FKBP5: variants seen among roughly 807,000 people sequenced by gnomAD.
The protein encoded by FKBP5 is peptidyl-prolyl cis-trans isomerase FKBP5.
FKBP5 carries 23 observed loss-of-function variants against 50.5 expected under a neutral mutation model. That is an observed-to-expected ratio of 0.46 (90% CI 0.33 to 0.65). The LOEUF (loss-of-function observed/expected upper bound fraction) is 0.65, where lower values mean the gene tolerates loss of function less well. Ranked by LOEUF, FKBP5 falls within the 30% of genes least tolerant of loss-of-function variation. FKBP5 has a pLI of 0.02. For missense variants in FKBP5, 411 were observed against 553.1 expected (o/e 0.74, Z 2.58); for synonymous variants, 176 against 190.6 (o/e 0.92, Z 0.63).
intron 5 of FKBP5, among the ~76,000 whole-genome samples, chr6:35,616,514 C>CA (rs1180371290): frequency 6.6e-6 from 1 of 151,842 alleles, no homozygotes; most frequent in Admixed American, 6.6e-5. Context: ...TTAGAGGAAG[C>CA]TGTGTAAAGC....
At chr6:35,643,871 CA>C (rs1764559717) in intron 1 of FKBP5, among the ~76,000 whole-genome samples, 2 of 152,188 alleles carry the variant, frequency 1.3e-5, no homozygotes. Context: ...GAGCAAGGTC[CA>C]TGCTTTGTTC....
chr6:35,693,265 C>G (rs1766027574), upstream of FKBP5, among the ~76,000 whole-genome samples: 3 of 148,942 alleles, frequency 2.0e-5, no homozygotes, highest in African/African-American at 7.4e-5. Context: ...CAGGTTCACA[C>G]CATTCTCCTG....
At chr6:35,666,441 A>G (rs1765225239) in intron 1 of FKBP5, among the ~76,000 whole-genome samples, 1 of 138,776 alleles carries the variant, frequency 7.2e-6, no homozygotes, top group African/African-American at 2.6e-5. Context: ...GATTTCCTTC[A>G]TAGACTTCTA....
intron 3 of FKBP5, among the ~76,000 whole-genome samples, chr6:35,623,243 AAAAT>A (rs560667593): frequency 2.0e-5 from 3 of 152,338 alleles, no homozygotes; most frequent in Admixed American, 6.5e-5. Context: ...CTCCGTCTCA[AAAAT>A]AAATAAATAA....
chr6:35,699,154 C>A (rs571573760), intron 2 of FKBP5, among the ~76,000 whole-genome samples: 9 of 152,286 alleles, frequency 5.9e-5, no homozygotes, highest in African/African-American at 2.2e-4. Context: ...GCAAGTAAGA[C>A]CCTAGCTGTG....
chr6:35,679,942 T>C (rs1765623707), intron 1 of FKBP5, among the ~76,000 whole-genome samples: 1 of 152,004 alleles, frequency 6.6e-6, no homozygotes, highest in South Asian at 2.1e-4. Context: ...TAAAAACTTA[T>C]AAATAAAAAT....
chr6:35,634,711 A>G (rs1024492524), intron 3 of FKBP5, among the ~76,000 whole-genome samples: 14 of 85,334 alleles, frequency 1.6e-4, no homozygotes, highest in African/African-American at 4.9e-4. Context: ...AATAGGGGGA[A>G]TACTTCTTTT....
At chr6:35,665,349 G>A (rs374123586) in intron 1 of FKBP5, among the ~76,000 whole-genome samples, 162 of 149,412 alleles carry the variant, frequency 1.1e-3, no homozygotes, top group African/African-American at 3.7e-3. Flanking sequence ...GTGCAGTGGC[G>A]CGATCTCGGC....
chr6:35,625,721 G>A (rs1358870984), intron 3 of FKBP5, among the ~76,000 whole-genome samples: 4 of 147,888 alleles, frequency 2.7e-5, no homozygotes, highest in African/African-American at 9.9e-5. Flanking sequence ...GGGCGACAGA[G>A]CAAGACTCCG....
chr6:35,672,349 T>G (rs1765410257), intron 1 of FKBP5, among the ~76,000 whole-genome samples: 1 of 152,088 alleles, frequency 6.6e-6, no homozygotes, highest in Non-Finnish European at 1.5e-5. Context: ...ATACAAAGTA[T>G]TGAGGACATG....
chr6:35,608,942 C>G (rs1763411829), intron 5 of FKBP5, among the ~76,000 whole-genome samples: 1 of 152,112 alleles, frequency 6.6e-6, no homozygotes, highest in South Asian at 2.1e-4. Context: ...GGATTATAGG[C>G]ATGTGCCATC....
intron 8 of FKBP5, chr6:35,584,220 AATAGAGTTCTCT>A: frequency 1.0e-6 from 1 of 985,450 alleles, no homozygotes; most frequent in Non-Finnish European, 1.2e-6. Context: ...TTCAGAGCCA[AATAGAGTTCTCT>A]ATTTTTCTTC....
intron 5 of FKBP5, among the ~76,000 whole-genome samples, chr6:35,604,403 A>C (rs938371032): frequency 1.3e-5 from 2 of 152,248 alleles, no homozygotes; most frequent in Non-Finnish European, 2.9e-5. Context: ...AAATATTTGA[A>C]AGAATAAACA....
intron 1 of FKBP5, among the ~76,000 whole-genome samples, chr6:35,648,701 C>T (rs1473710813): frequency 1.3e-5 from 2 of 152,122 alleles, no homozygotes; most frequent in East Asian, 1.9e-4. Flanking sequence ...GTAATCCTAG[C>T]AATTTGGGAG....
In FKBP5 at chr6:35,635,421, G is replaced by C. The variant is rs144339650; in HGVS notation, c.250+1593C>G. On this transcript the variant is annotated intron_variant, in intron 3 of 10. Transcript: ENST00000357266. ...TGAGAGGTTGAGGCTACAGTGAGCCGGCCCGGGTGACAGATCGAGACCCTG... is the reference window on the plus strand; with the variant it reads ...TGAGAGGTTGAGGCTACAGTGAGCCCGCCCGGGTGACAGATCGAGACCCTG... Among the ~76,000 whole-genome samples, 31 of 152,084 alleles carry C rather than the reference G, an allele frequency of 2.0e-4. No individual in the cohort carries two copies. In the East Asian group the frequency reaches 5.4e-3, roughly 27 times the overall value.
chr6:35,698,601 T>G (rs1018051141), intron 2 of FKBP5, among the ~76,000 whole-genome samples: 12 of 151,862 alleles, frequency 7.9e-5, no homozygotes, highest in African/African-American at 2.7e-4. Flanking sequence ...GAGCCAAGAT[T>G]GCGCCACTGC....
At chr6:35,673,451 G>A (rs1765447200) in intron 1 of FKBP5, among the ~76,000 whole-genome samples, 1 of 152,014 alleles carries the variant, frequency 6.6e-6, no homozygotes, top group Non-Finnish European at 1.5e-5. Flanking sequence ...TTGGGAGGCT[G>A]AGGTGGGAAG....
chr6:35,601,599 C>CA (rs1279476938), intron 5 of FKBP5, among the ~76,000 whole-genome samples: 4 of 152,128 alleles, frequency 2.6e-5, no homozygotes, highest in Non-Finnish European at 5.9e-5. Flanking sequence ...GAACAAAAAC[C>CA]ATGGCAGCTC....
At chr6:35,720,867 T>C (rs1351090361) in intron 1 of FKBP5, among the ~76,000 whole-genome samples, 4 of 152,166 alleles carry the variant, frequency 2.6e-5, no homozygotes, top group Non-Finnish European at 4.4e-5. Flanking sequence ...GTGGATGATC[T>C]CATTTAATCC....
Sources: gnomAD v4.1 joint callset for allele counts (sites outside exome capture counted in the v4.1 genomes callset) on GRCh38, gnomAD v4.1.1 for gene constraint, MANE v1.5 for transcripts, NCBI Gene and HGNC (gene_info 2026-07-23, HGNC 2026-07-21) for gene names.